Variants in KCNT2 observed in about 807,000 individuals in gnomAD.
KCNT2 encodes the protein potassium sodium-activated channel subfamily T member 2.
KCNT2 carries 67 observed loss-of-function variants against 153.8 expected under a neutral mutation model. The observed-to-expected ratio is 0.44, with a 90% CI of 0.36 to 0.53. The LOEUF (loss-of-function observed/expected upper bound fraction) is 0.53. KCNT2 is among the 20% of genes least tolerant of loss of function. KCNT2 has a pLI of 0.00. For synonymous variants in KCNT2, 500 were observed against 458.8 expected, an observed-to-expected ratio of 1.09 and a Z score of -1.15; for missense variants, 975 against 1,354.8, an observed-to-expected ratio of 0.72 and a Z score of 4.40.
intron 21 of KCNT2, 86 bp downstream of exon 21, chr1:196,315,806 G>A (rs1037274472): frequency 4.9e-6 from 6 of 1,223,394 alleles, no homozygotes; most frequent in Non-Finnish European, 6.8e-6. Context: ...TGTGTCTCAT[G>A]TTCATTCCTC....
chr1:196,421,847 T>C (rs1372884019), intron 12 of KCNT2, among the ~76,000 whole-genome samples: 1 of 152,104 alleles, frequency 6.6e-6, no homozygotes, highest in Non-Finnish European at 1.5e-5. Flanking sequence ...AAGGATCTGT[T>C]CCAGACCTCT....
chr1:196,569,265 A>C (rs1474405151), intron 1 of KCNT2, among the ~76,000 whole-genome samples: 1 of 152,164 alleles, frequency 6.6e-6, no homozygotes, highest in African/African-American at 2.4e-5. Context: ...CTATCATTTC[A>C]GGATCATATT....
intron 1 of KCNT2, among the ~76,000 whole-genome samples, chr1:196,595,210 T>C (rs768606632): frequency 6.6e-6 from 1 of 152,052 alleles, no homozygotes; most frequent in Non-Finnish European, 1.5e-5. Context: ...ACAAATCTAC[T>C]GTAAGTTTTT....
At chr1:196,272,617 A>G (rs979216031) in intron 25 of KCNT2, among the ~76,000 whole-genome samples, 1 of 151,892 alleles carries the variant, frequency 6.6e-6, no homozygotes, top group Non-Finnish European at 1.5e-5. Flanking sequence ...TTTGCCATCT[A>G]TCAACATAGA....
At chr1:196,380,482 T>A (rs1264124186) in intron 13 of KCNT2, among the ~76,000 whole-genome samples, 2 of 152,188 alleles carry the variant, frequency 1.3e-5, no homozygotes, top group Non-Finnish European at 1.5e-5. Context: ...TTTTGTGTGA[T>A]TTAAAGTACT....
intron 21 of KCNT2, among the ~76,000 whole-genome samples, chr1:196,312,827 A>G (rs926439362): frequency 6.6e-6 from 1 of 151,704 alleles, no homozygotes; most frequent in African/African-American, 2.4e-5. Flanking sequence ...TCTCTTAGAG[A>G]TGGGGCCCAA....
intron 1 of KCNT2, among the ~76,000 whole-genome samples, chr1:196,498,985 G>A (rs557382200): frequency 2.0e-5 from 3 of 152,306 alleles, no homozygotes; most frequent in East Asian, 1.9e-4. Flanking sequence ...AAATTAATAT[G>A]AGGGTATACT....
rs560231838 is a variant in KCNT2 at position 196,564,390 on chromosome 1, TATA to T, written c.95+43822_95+43824del. On this transcript the variant is annotated intron_variant, in intron 1 of 27. Coordinates refer to ENST00000294725, the MANE Select transcript of KCNT2 (RefSeq NM_198503.5). ...AGAAAAATATTGCATGTTCATGGAA[TATA>T]ATAATTAATATTGCTAAAATGTCCA... 6.6e-5 allele frequency among the ~76,000 whole-genome samples: 10 copies of T among 151,958 alleles called. No individual in the cohort carries two copies. In the South Asian group the frequency reaches 2.1e-3, roughly 31 times the overall value.
chr1:196,276,599 G>A (rs534927504), intron 25 of KCNT2, among the ~76,000 whole-genome samples: 1 of 151,852 alleles, frequency 6.6e-6, no homozygotes, highest in Non-Finnish European at 1.5e-5. Context: ...CTGGTTTCCT[G>A]CAGATCATTA....
chr1:196,593,315 C>T (rs12144897), intron 1 of KCNT2, among the ~76,000 whole-genome samples: 39,899 of 98,170 alleles, frequency 0.41, 5,983 homozygotes, highest in Middle Eastern at 0.52. Context: ...TATATATACA[C>T]ACACACACAC....
chr1:196,249,230 A>G (rs1364228245), intron 26 of KCNT2, among the ~76,000 whole-genome samples: 1 of 152,286 alleles, frequency 6.6e-6, no homozygotes, highest in East Asian at 1.9e-4. Context: ...CCTTTTCTCT[A>G]AGATCTGGAA....
intron 22 of KCNT2, among the ~76,000 whole-genome samples, chr1:196,291,135 A>G (rs1660146394): frequency 6.6e-6 from 1 of 152,064 alleles, no homozygotes; most frequent in South Asian, 2.1e-4. Flanking sequence ...TAACAATTTC[A>G]TATAAGAGAT....
chr1:196,450,645 T>A (rs1454087755), intron 8 of KCNT2, among the ~76,000 whole-genome samples: 1 of 151,812 alleles, frequency 6.6e-6, no homozygotes, highest in Non-Finnish European at 1.5e-5. Flanking sequence ...AGATTGCAAA[T>A]CCAATCACTG....
intron 14 of KCNT2, among the ~76,000 whole-genome samples, chr1:196,351,762 A>C (rs1666723223): frequency 6.6e-6 from 1 of 152,186 alleles, no homozygotes; most frequent in South Asian, 2.1e-4. Context: ...ATGGTGAGAC[A>C]GGGCATCCCT....
Position 196,450,724 on chromosome 1 carries a change from C to G in KCNT2, c.638+14569G>C, listed in dbSNP as rs140895082. Among the ~76,000 whole-genome samples the G allele has an allele frequency of 3.4e-3, 524 of 151,942 alleles. 3 individuals are homozygous for G. The highest frequency in any genetic ancestry group is 0.012 in the African/African-American group (504 of 41,496). ...TTTCCTGGAGTCCCACAGTAACCTC[C>G]CAGCCAGTATTTCTGCTACTGCTCT... On this transcript the variant is annotated intron_variant, in intron 8 of 27. Coordinates refer to ENST00000294725, the MANE Select transcript of KCNT2 (RefSeq NM_198503.5).
chr1:196,341,837 TA>T (rs943155511), intron 15 of KCNT2, among the ~76,000 whole-genome samples: 7 of 152,082 alleles, frequency 4.6e-5, no homozygotes, highest in Non-Finnish European at 7.4e-5. Flanking sequence ...TAAAATATTT[TA>T]AAAAGACTTT....
chr1:196,294,361 C>G (rs185421233), intron 22 of KCNT2, among the ~76,000 whole-genome samples: 23 of 152,224 alleles, frequency 1.5e-4, no homozygotes, highest in Non-Finnish European at 3.1e-4. Context: ...TTGCAACCTC[C>G]AACTCCCTGG....
chr1:196,425,907 G>A lies in KCNT2; in HGVS notation c.1066C>T (p.Arg356Ter), dbSNP rs201030407. Residue 356 changes from arginine (R) to a stop codon, truncating the protein, a stop_gained, in exon 11 of 28, where the codon CGA (arginine) becomes TGA (stop). Transcript: ENST00000294725. LOFTEE classifies it high-confidence loss of function. ...GCTGAACCTTGAAGGTAGATAACTCGTTGGGACCACATTGGAATCTGCAGT... is the reference window on the plus strand; with the variant it reads ...GCTGAACCTTGAAGGTAGATAACTCATTGGGACCACATTGGAATCTGCAGT... ...RVLQIPMWSQRVIYLQGSALK... is the reference protein window; with the variant it reads ...RVLQIPMWSQ 3 of 1,612,232 alleles carry A rather than the reference G, an allele frequency of 1.9e-6. No individual in the cohort carries two copies. The highest frequency in any genetic ancestry group is 1.7e-5 in the Admixed American group (1 of 59,856).
chr1:196,363,515 A>G (rs1230238161), intron 14 of KCNT2, among the ~76,000 whole-genome samples: 2 of 152,142 alleles, frequency 1.3e-5, no homozygotes, highest in Admixed American at 6.6e-5. Flanking sequence ...TTAATGCCCA[A>G]TGCAACAGTG....
Sources: allele counts gnomAD v4.1 joint callset (sites outside exome capture counted in the v4.1 genomes callset), GRCh38; gene constraint gnomAD v4.1.1; transcripts MANE v1.5; gene names NCBI Gene and HGNC (gene_info 2026-07-23, HGNC 2026-07-21).